SND1: variants seen among roughly 807,000 people sequenced by gnomAD.
The protein encoded by SND1 is staphylococcal nuclease domain-containing protein 1.
In SND1, 38 loss-of-function variants were observed where a neutral mutation model predicts 121.7. The ratio of observed to expected loss-of-function variants is 0.31; its 90% confidence interval spans 0.24 to 0.41. SND1 has a LOEUF of 0.41. Ranked by LOEUF, SND1 falls within the 10% of genes least tolerant of loss-of-function variation. SND1 has a pLI of 1.00. For synonymous variants in SND1, 401 were observed against 447.4 expected (o/e 0.90, Z 1.31); for missense variants, 868 against 1,184.6 (o/e 0.73, Z 3.92).
intron 15 of SND1, among the ~76,000 whole-genome samples, chr7:127,990,624 T>C (rs1802499667): frequency 6.6e-6 from 1 of 152,102 alleles, no homozygotes; most frequent in African/African-American, 2.4e-5. Flanking sequence ...TATGGGACCG[T>C]CAGTTGGAGC....
chr7:127,856,785 C>G (rs1799282234), intron 12 of SND1, among the ~76,000 whole-genome samples: 1 of 152,218 alleles, frequency 6.6e-6, no homozygotes, highest in Non-Finnish European at 1.5e-5. Context: ...CATACCATCC[C>G]TCTTCCTTCC....
intron 15 of SND1, among the ~76,000 whole-genome samples, chr7:127,941,687 C>T (rs1029047359): frequency 1.3e-5 from 2 of 152,148 alleles, no homozygotes; most frequent in Non-Finnish European, 2.9e-5. Flanking sequence ...TATACCAGTT[C>T]GCTCATTAGC....
At chr7:127,787,639 C>T (rs1797835646) in intron 10 of SND1, among the ~76,000 whole-genome samples, 1 of 152,180 alleles carries the variant, frequency 6.6e-6, no homozygotes, top group Non-Finnish European at 1.5e-5. Context: ...TGAAATTTTG[C>T]TCTTTGTTCC....
intron 10 of SND1, among the ~76,000 whole-genome samples, chr7:127,794,290 A>T (rs1312233629): frequency 6.6e-6 from 1 of 152,214 alleles, no homozygotes; most frequent in East Asian, 1.9e-4. Flanking sequence ...CTAAACAGAA[A>T]CCCAGTGTCT....
intron 13 of SND1, chr7:127,904,376 A>T (rs940768465): frequency 1.3e-5 from 2 of 159,292 alleles, no homozygotes; most frequent in African/African-American, 4.8e-5. Flanking sequence ...GTTTCATGTG[A>T]TTAAACACGG....
chr7:128,034,861 A>G (rs745834190), intron 16 of SND1, among the ~76,000 whole-genome samples: 1 of 152,190 alleles, frequency 6.6e-6, no homozygotes, highest in Non-Finnish European at 1.5e-5. Context: ...GCAGCCTCTC[A>G]TTTTGGTAAC....
chr7:128,055,481 G>A (rs1193944793), intron 16 of SND1, among the ~76,000 whole-genome samples: 1 of 152,182 alleles, frequency 6.6e-6, no homozygotes, highest in Admixed American at 6.5e-5. Flanking sequence ...CCACCTCCCA[G>A]TGCAGGTCCA....
intron 15 of SND1, among the ~76,000 whole-genome samples, chr7:127,932,669 G>GT (rs1471653921): frequency 6.6e-6 from 1 of 151,812 alleles, no homozygotes; most frequent in African/African-American, 2.4e-5. Flanking sequence ...AAACCTCATT[G>GT]TTTTTTTTGC....
At chr7:127,886,600 C>G (rs181554124) in intron 12 of SND1, among the ~76,000 whole-genome samples, 2 of 152,154 alleles carry the variant, frequency 1.3e-5, no homozygotes, top group East Asian at 3.9e-4. Flanking sequence ...CACCATTCTC[C>G]CTCAATAATA....
intron 16 of SND1, chr7:127,999,928 C>T (rs1252609560): frequency 2.0e-5 from 3 of 151,622 alleles, no homozygotes; most frequent in African/African-American, 7.3e-5. Context: ...TGCTGGACTC[C>T]CCTGAGAGGT....
intron 10 of SND1, among the ~76,000 whole-genome samples, chr7:127,756,076 A>G (rs1287281353): frequency 6.6e-6 from 1 of 152,230 alleles, no homozygotes; most frequent in Non-Finnish European, 1.5e-5. Flanking sequence ...AAAGGCTATC[A>G]GCCTTTGAAG....
At chr7:127,929,557 G>A (rs1370781144) in intron 15 of SND1, among the ~76,000 whole-genome samples, 1 of 152,196 alleles carries the variant, frequency 6.6e-6, no homozygotes, top group Non-Finnish European at 1.5e-5. Context: ...GGATGTAGGA[G>A]TAGAGCAACT....
chr7:127,718,473 C>G lies in SND1; in HGVS notation c.1039-2814C>G, dbSNP rs1199072670. The G allele has an allele frequency of 2.1e-5, 13 of 620,330 alleles. No individual in the cohort carries two copies. In the South Asian group the frequency reaches 2.1e-4, roughly 10 times the overall value. 38.4% of individuals were successfully genotyped at this position (620,330 alleles called of 1,614,324 possible). A position where few individuals can be genotyped will look rare whatever the true frequency, so the allele number is the denominator to read the frequency against. ...GAGGAATAAAAAACCATAAACCCCA[C>G]TTATACACACACGCGGACACGCACG... On this transcript the variant is annotated intron_variant, in intron 9 of 23. Transcript: ENST00000354725.
chr7:127,923,860 C>G (rs544246103), intron 14 of SND1, among the ~76,000 whole-genome samples: 1 of 152,114 alleles, frequency 6.6e-6, no homozygotes, highest in Non-Finnish European at 1.5e-5. Context: ...GCTTCAGTAT[C>G]CTTAACGATT....
intron 2 of SND1, among the ~76,000 whole-genome samples, chr7:127,689,864 G>A (rs565240864): frequency 2.6e-5 from 4 of 151,756 alleles, no homozygotes; most frequent in Non-Finnish European, 5.9e-5. Context: ...AAGCTGCATC[G>A]ACACAAGTTA....
At chr7:127,950,846 A>G (rs1328677928) in intron 15 of SND1, among the ~76,000 whole-genome samples, 1 of 152,196 alleles carries the variant, frequency 6.6e-6, no homozygotes, top group Non-Finnish European at 1.5e-5. Flanking sequence ...CAAAAAACTA[A>G]AAGATAGCAA....
chr7:128,021,372 TG>T (rs766747717), intron 16 of SND1, among the ~76,000 whole-genome samples: 1 of 152,216 alleles, frequency 6.6e-6, no homozygotes, highest in South Asian at 2.1e-4. Context: ...TCCAGGGAAC[TG>T]GCACTTGGCT....
intron 16 of SND1, among the ~76,000 whole-genome samples, chr7:128,016,129 A>C (rs1171989166): frequency 6.7e-6 from 1 of 149,562 alleles, no homozygotes; most frequent in South Asian, 2.1e-4. Flanking sequence ...CTGCTTAAAT[A>C]GGGAGGAACA....
chr7:128,030,759 A>AG (rs1296943839), intron 16 of SND1: 2 of 1,302,390 alleles, frequency 1.5e-6, no homozygotes, highest in African/African-American at 1.5e-5. Flanking sequence ...GGAGGTGGGG[A>AG]GGGGGCGATT....
Sources: allele counts gnomAD v4.1 joint callset (sites outside exome capture counted in the v4.1 genomes callset), GRCh38; gene constraint gnomAD v4.1.1; transcripts MANE v1.5; gene names NCBI Gene and HGNC (gene_info 2026-07-23, HGNC 2026-07-21).